Variants in HDAC10 observed in about 807,000 individuals in gnomAD.
HDAC10 encodes the protein polyamine deacetylase HDAC10.
Under a neutral mutation model 82.3 loss-of-function variants are expected in HDAC10, and 90 were observed. That is an observed-to-expected ratio of 1.09 (90% CI 0.92 to 1.30). The LOEUF is 1.30. HDAC10 is among the 50% of genes most tolerant of loss of function. The pLI, the probability that HDAC10 is intolerant of heterozygous loss-of-function variation, is 0.00. For synonymous variants in HDAC10, 456 were observed against 391.7 expected, an observed-to-expected ratio of 1.16 and a Z score of -1.94; for missense variants, 934 against 876.3, an observed-to-expected ratio of 1.07 and a Z score of -0.83.
chr22:50,251,088 C>G lies in HDAC10; in HGVS notation c.-56G>C. On this transcript the variant is annotated 5_prime_UTR_variant, in exon 1 of 20. Coordinates refer to ENST00000216271, the MANE Select transcript of HDAC10 (RefSeq NM_032019.6). ...ACGCCCTCGCTAGTGGTGCCTGCCACTGCCTGTCCCCACCTTCGGCCGGGA... is the reference window on the plus strand; with the variant it reads ...ACGCCCTCGCTAGTGGTGCCTGCCAGTGCCTGTCCCCACCTTCGGCCGGGA... The G allele has an allele frequency of 6.5e-7, 1 of 1,543,234 alleles. No homozygotes were observed. Among genetic ancestry groups the G allele is most frequent in the Non-Finnish European group, 8.8e-7 (1 of 1,131,288 alleles).
Position 50,245,429 on chromosome 22 carries a change from TG to T in HDAC10, c.*77del. 1 of 721,680 alleles carries T rather than the reference TG, an allele frequency of 1.4e-6. No individual in the cohort carries two copies. The highest frequency in any genetic ancestry group is 2.0e-5 in the Admixed American group (1 of 50,472). 44.7% of individuals were successfully genotyped at this position (721,680 alleles called of 1,614,324 possible). A position where few individuals can be genotyped will look rare whatever the true frequency, so the allele number is the denominator to read the frequency against. ...CCCAGAGTCGAGGGAGCCGTGGGCTTGGGGTCCGGATCGCGGCCGCGGGGCG... is the reference window on the plus strand; with the variant it reads ...CCCAGAGTCGAGGGAGCCGTGGGCTTGGGTCCGGATCGCGGCCGCGGGGCG... On this transcript the variant is annotated 3_prime_UTR_variant, in exon 20 of 20. Transcript: ENST00000216271.
At chr22:50,250,257 G>A (rs1409274727) in intron 3 of HDAC10, 97 bp from the exon 4 acceptor site, 8 of 1,310,516 alleles carry the variant, frequency 6.1e-6, no homozygotes, top group Admixed American at 5.6e-5. Context: ...ACCAGCTGCT[G>A]AGCAGAACAG....
Position 50,249,794 on chromosome 22 carries a change from C to A in HDAC10, c.494+66G>T. The stretch of plus-strand genomic sequence containing the variant: ...TGGGAAGGTGCTGGCTGGGTTCTCT[C>A]GCCTCCTGCGCTGCCCCTTGCTGTG... On this transcript the variant is annotated intron_variant, in intron 5 of 19. Coordinates refer to ENST00000216271, the MANE Select transcript of HDAC10 (RefSeq NM_032019.6). The surrounding 1 kb of genome is among the most constrained non-coding windows in gnomAD (Gnocchi z 4.4). The A allele has an allele frequency of 6.3e-7, 1 of 1,599,806 alleles. No homozygotes were observed. The highest frequency in any genetic ancestry group is 8.5e-7 in the Non-Finnish European group (1 of 1,170,784).
intron 17 of HDAC10, 41 bp downstream of exon 17, chr22:50,246,257 G>C: frequency 6.4e-7 from 1 of 1,574,346 alleles, no homozygotes; most frequent in Admixed American, 1.7e-5. Flanking sequence ...ACATCCATGG[G>C]CTCCCCAGCA....
In HDAC10 at chr22:50,248,000, A is replaced by G; in HGVS notation, c.1227T>C (p.Ser409=). ...TTGTCAGGGCAACAGCGGTGCGGAC[A>G]GAGGGTGCGGGGCAGAGGCACGGCT... ...LDQPCLCPAP[S]VRTAVALTTP... The change falls in exon 13 of 20, where the codon TCT becomes TCC. Residue 409 remains serine, a synonymous_variant. Coordinates refer to ENST00000216271, the MANE Select transcript of HDAC10 (RefSeq NM_032019.6). 1 of 1,612,846 alleles carries G rather than the reference A, an allele frequency of 6.2e-7. No individual in the cohort carries two copies. Among genetic ancestry groups the G allele is most frequent in the Non-Finnish European group, 8.5e-7 (1 of 1,179,968 alleles).
rs375871269 is a variant in HDAC10, at chr22:50,248,793, G to C, written c.816+38C>G. On this transcript the variant is annotated intron_variant, in intron 9 of 19. Coordinates refer to ENST00000216271, the MANE Select transcript of HDAC10 (RefSeq NM_032019.6). The surrounding 1 kb of genome is among the most constrained non-coding windows in gnomAD (Gnocchi z 5.4). ...GTGTGATGGGGGACCTGGGCCCCAG[G>C]ACCCCAGAAGCCCTCCCTGGCAAGG... is the stretch of plus-strand genomic sequence containing the variant. 1 of 1,602,690 alleles carries C rather than the reference G, an allele frequency of 6.2e-7. No individual in the cohort carries two copies. Among genetic ancestry groups the C allele is most frequent in the East Asian group, 2.2e-5 (1 of 44,596 alleles).
chr22:50,249,732 G>A lies in HDAC10; in HGVS notation c.495-29C>T. The A allele has an allele frequency of 2.5e-6, 4 of 1,611,960 alleles. No individual in the cohort carries two copies. Among genetic ancestry groups the A allele is most frequent in the Non-Finnish European group, 3.4e-6 (4 of 1,179,440 alleles). ...GGTACAGACAGCGCTGGTGGCAAAG[G>A]GGCAGGGCCTCCCACCTCCAGGAGC... On this transcript the variant is annotated intron_variant, in intron 5 of 19. Transcript: ENST00000216271. This position sits in a 1 kb window ranked among gnomAD's most constrained non-coding sequence, Gnocchi z 4.4.
rs752054060 is a variant in HDAC10, at chr22:50,247,671, A to G, written c.1422+21T>C. On this transcript the variant is annotated intron_variant, in intron 14 of 19. Coordinates refer to ENST00000216271, the MANE Select transcript of HDAC10 (RefSeq NM_032019.6). ...TGCCCCTAGGTCCACAGCATCCCCA[A>G]CCCCTCCCAGGTGCTCCCACCTGCC... The G allele has an allele frequency of 3.3e-6, 5 of 1,537,016 alleles. No homozygotes were observed. In the African/African-American group the frequency reaches 4.1e-5, roughly 13 times the overall value.
At chr22:50,245,639 C>G in intron 19 of HDAC10, 36 bp downstream of exon 19, 8 of 1,612,664 alleles carry the variant, frequency 5.0e-6, no homozygotes, top group Non-Finnish European at 6.8e-6. Flanking sequence ...AGAGCCAGGC[C>G]CCAGGGCAGG....
Position 50,248,856 on chromosome 22 carries a change from A to T in HDAC10, c.791T>A (p.Phe264Tyr). The T allele has an allele frequency of 6.2e-7, 1 of 1,611,618 alleles. No individual in the cohort carries two copies. The highest frequency in any genetic ancestry group is 8.5e-7 in the Non-Finnish European group (1 of 1,179,516). The change falls in exon 9 of 20, where the codon TTT becomes TAT. Residue 264 changes from phenylalanine (F) to tyrosine (Y), a missense_variant. Phe to Tyr is a conservative substitution (Grantham distance 22). Coordinates refer to ENST00000216271, the MANE Select transcript of HDAC10 (RefSeq NM_032019.6). The surrounding 1 kb of genome is among the most constrained non-coding windows in gnomAD (Gnocchi z 5.4). ...CTCAGGGTCCCCGATGGCTGAGTCA[A>T]ATCCTGCCGAGACCAGCACCAGCTC... ...DPELVLVSAG[F>Y]DSAIGDPEGQ... is the part of the protein sequence containing the mutation.
chr22:50,246,946 G>C lies in HDAC10; in HGVS notation c.1443C>G (p.Ala481=). The change falls in exon 15 of 20, where the codon GCC becomes GCG. Residue 481 remains alanine (A), a synonymous_variant. Transcript: ENST00000216271. ...LDGQVNSGIA[A]TPASAAAATL... ...TGGCTGCTGCAGCAGAGGCTGGAGT[G>C]GCTGCTATACCACTGTTCACCTGTG... The C allele has an allele frequency of 6.2e-7, 1 of 1,610,046 alleles. No homozygotes were observed. Among genetic ancestry groups the C allele is most frequent in the Non-Finnish European group, 8.5e-7 (1 of 1,177,976 alleles).
chr22:50,250,959 C>A lies in HDAC10; in HGVS notation c.59+15G>T. The A allele has an allele frequency of 6.2e-7, 1 of 1,611,928 alleles. No individual in the cohort carries two copies. Among genetic ancestry groups the A allele is most frequent in the Non-Finnish European group, 8.5e-7 (1 of 1,179,346 alleles). ...GGTCCCTCCCCGCACCCCACCTCGG[C>A]CAGGTCCCACTTACTCGTCCCAGAG... On this transcript the variant is annotated intron_variant, in intron 1 of 19. Coordinates refer to ENST00000216271, the MANE Select transcript of HDAC10 (RefSeq NM_032019.6).
At chr22:50,250,348 G>T in intron 3 of HDAC10, 79 bp downstream of exon 3, 1 of 1,386,582 alleles carries the variant, frequency 7.2e-7, no homozygotes, top group Non-Finnish European at 1.0e-6. Context: ...CACTGGCTGG[G>T]GTTGGCGGCC....
At chr22:50,247,151 T>A in intron 14 of HDAC10, 185 bp from the exon 15 acceptor site, 1 of 498,102 alleles carries the variant, frequency 2.0e-6, no homozygotes, top group East Asian at 3.3e-5. Flanking sequence ...TTTTTTTTTT[T>A]TTTAGAGAGG....
At chr22:50,246,263 C>T (rs1569133168) in intron 17 of HDAC10, 35 bp downstream of exon 17, 1 of 1,594,448 alleles carries the variant, frequency 6.3e-7, no homozygotes. Flanking sequence ...ATGGGCTCCC[C>T]AGCACCTGCC....
rs1358966673 is a variant in HDAC10, at chr22:50,248,519, T to A, written c.907-47A>T. 1 of 1,561,496 alleles carries A rather than the reference T, an allele frequency of 6.4e-7. No homozygotes were observed. The highest frequency in any genetic ancestry group is 1.4e-5 in the African/African-American group (1 of 73,868). On this transcript the variant is annotated intron_variant, in intron 10 of 19. Transcript: ENST00000216271. The surrounding 1 kb of genome is among the most constrained non-coding windows in gnomAD (Gnocchi z 5.4). ...GATTGGGGCAGAGATATCACTGGGA[T>A]GGGATGTCACCGGGAGAGCCCCTGC... is the stretch of plus-strand genomic sequence containing the variant.
At position 50,251,058 on chromosome 22, in the gene HDAC10, C is replaced by T. The variant is rs571752836; in HGVS notation, c.-26G>A. The T allele has an allele frequency of 6.2e-7, 1 of 1,601,512 alleles. No individual in the cohort carries two copies. The highest frequency in any genetic ancestry group is 2.3e-5 in the East Asian group (1 of 44,136). On this transcript the variant is annotated 5_prime_UTR_variant, in exon 1 of 20. Transcript: ENST00000216271. ...GGCTGCGCCGTGGTCACCCTGGGTT[C>T]CCAAACGCCCTCGCTAGTGGTGCCT...
In HDAC10 at chr22:50,247,951, G is replaced by A. The variant is rs1374618018; in HGVS notation, c.1276C>T (p.Pro426Ser). 1.2e-6 allele frequency: 2 copies of A among 1,612,872 alleles called. No individual in the cohort carries two copies. Among genetic ancestry groups the A allele is most frequent in the Non-Finnish European group, 1.7e-6 (2 of 1,179,986 alleles). Residue 426 changes from proline to serine, a missense_variant, in exon 13 of 20, where the codon CCC becomes TCC. By Grantham distance (74) the Pro-to-Ser change is moderately conservative. Transcript: ENST00000216271. ...LTTPDITLVL[P>S]PDVIQQEASA... The stretch of plus-strand genomic sequence containing the variant: ...GCTTCCTGTTGGATGACGTCAGGGG[G>A]CAGAACCAATGTGATATCCGGCGTT...
Position 50,247,874 on chromosome 22 carries a change from G to A in HDAC10, c.1337+16C>T. On this transcript the variant is annotated intron_variant, in intron 13 of 19. Coordinates refer to ENST00000216271, the MANE Select transcript of HDAC10 (RefSeq NM_032019.6). ...AGATGCGGCCCCATCCTTCTCCCCAGGCCAGCCCTGCCCACCTGGCCCAGG... is the reference window on the plus strand; with the variant it reads ...AGATGCGGCCCCATCCTTCTCCCCAAGCCAGCCCTGCCCACCTGGCCCAGG... 4.3e-6 allele frequency: 7 copies of A among 1,611,694 alleles called. No individual in the cohort carries two copies. Among genetic ancestry groups the A allele is most frequent in the Non-Finnish European group, 5.9e-6 (7 of 1,179,616 alleles).
Sources: gnomAD v4.1 joint callset for allele counts on GRCh38, gnomAD v4.1.1 for gene constraint, Gnocchi (gnomAD v3.1) non-coding constraint, MANE v1.5 for transcripts, NCBI Gene and HGNC (gene_info 2026-07-23, HGNC 2026-07-21) for gene names.